The following TRHDE variants were observed in gnomAD, a reference collection of about 807,000 sequenced individuals.
TRHDE encodes thyrotropin releasing hormone degrading enzyme, also known as thyrotropin-releasing hormone-degrading ectoenzyme.
TRHDE carries 72 observed loss-of-function variants against 125.7 expected under a neutral mutation model. The observed-to-expected ratio is 0.57, with a 90% CI of 0.47 to 0.70. The LOEUF is 0.70. Ranked by LOEUF, TRHDE falls within the 30% of genes least tolerant of loss-of-function variation. The pLI is 0.00. For synonymous variants in TRHDE, 509 were observed against 509.1 expected (o/e 1.00, Z 0.00); for missense variants, 1,110 against 1,327.1 (o/e 0.84, Z 2.54).
chr12:72,184,979 G>A (rs902278370), intron 2 of TRHDE, among the ~76,000 whole-genome samples: 2 of 152,204 alleles, frequency 1.3e-5, no homozygotes, highest in Admixed American at 6.5e-5. Flanking sequence ...CACTGTGGGA[G>A]CCCCTTTCTG....
At chr12:72,123,453 A>G (rs1465117793) in intron 2 of TRHDE, among the ~76,000 whole-genome samples, 1 of 152,172 alleles carries the variant, frequency 6.6e-6, no homozygotes, top group Non-Finnish European at 1.5e-5. Flanking sequence ...ATAAAATGTC[A>G]TAATTGAATC....
intron 3 of TRHDE, among the ~76,000 whole-genome samples, chr12:72,461,628 T>C (rs891683757): frequency 3.3e-5 from 5 of 152,100 alleles, no homozygotes; most frequent in Non-Finnish European, 7.4e-5. Context: ...TTTTTTTTTT[T>C]TTAGCCTACT....
chr12:72,520,837 A>G (rs1336637448), intron 6 of TRHDE, among the ~76,000 whole-genome samples: 4 of 152,178 alleles, frequency 2.6e-5, no homozygotes, highest in Non-Finnish European at 4.4e-5. Flanking sequence ...ATTCTCTTTT[A>G]TTACCGTATT....
At chr12:72,256,719 C>T (rs1878822804) in intron 2 of TRHDE, 1 of 152,148 alleles carries the variant, frequency 6.6e-6, no homozygotes, top group Admixed American at 6.6e-5. Context: ...GCATTAGTTA[C>T]CATGTTGAAA....
intron 2 of TRHDE, among the ~76,000 whole-genome samples, chr12:72,159,697 T>C (rs148974101): frequency 1.4e-4 from 21 of 152,332 alleles, no homozygotes; most frequent in African/African-American, 5.1e-4. Flanking sequence ...TTTCACTTCA[T>C]ATCCATCTTT....
chr12:72,604,236 G>T (rs1226520693), intron 12 of TRHDE, among the ~76,000 whole-genome samples: 1 of 152,042 alleles, frequency 6.6e-6, no homozygotes, highest in South Asian at 2.1e-4. Context: ...AGACAAATCC[G>T]TAGGAAAAAA....
chr12:72,427,621 C>T lies in TRHDE; in HGVS notation c.1316-42137C>T, dbSNP rs190185051. Among the ~76,000 whole-genome samples the T allele has an allele frequency of 1.4e-4, 21 of 152,184 alleles. No homozygotes were observed. The East Asian group carries it at 2.7e-3, about 20-fold the overall frequency. On this transcript the variant is annotated intron_variant, in intron 3 of 18. Coordinates refer to ENST00000261180, the MANE Select transcript of TRHDE (RefSeq NM_013381.3). ...CTCTTTCTCGTATTGACTTAATGAT[C>T]GTTATTGCAATTCACGTAAGTTATT...
At chr12:72,405,172 G>C (rs1300412115) in intron 3 of TRHDE, among the ~76,000 whole-genome samples, 1 of 152,124 alleles carries the variant, frequency 6.6e-6, no homozygotes, top group Non-Finnish European at 1.5e-5. Flanking sequence ...AGACAATAAG[G>C]GGAATCATGT....
chr12:72,473,152 C>T lies in TRHDE; in HGVS notation c.1556C>T (p.Thr519Ile). The T allele has an allele frequency of 6.2e-7, 1 of 1,613,870 alleles. No individual in the cohort carries two copies. The highest frequency in any genetic ancestry group is 8.5e-7 in the Non-Finnish European group (1 of 1,179,832). The part of the protein sequence containing the change: ...GFAHYFEFVG[T>I]DYLYPGWNME... ...GCTCACTACTTTGAATTTGTTGGTACAGACTACCTCTATCCTGGCTGGAAC... is the reference window on the plus strand; with the variant it reads ...GCTCACTACTTTGAATTTGTTGGTATAGACTACCTCTATCCTGGCTGGAAC... The change falls in exon 5 of 19, where the codon ACA (threonine) becomes ATA (isoleucine). Residue 519 changes from threonine (T) to isoleucine (I), a missense_variant. By Grantham distance (89) the Thr-to-Ile change is moderately conservative. This residue lies in a region of TRHDE where 527 missense variants were observed against 651.8 expected (regional missense o/e 0.81). Coordinates refer to ENST00000261180, the MANE Select transcript of TRHDE (RefSeq NM_013381.3).
chr12:72,265,548 C>A (rs1254847788), intron 2 of TRHDE, among the ~76,000 whole-genome samples: 1 of 150,466 alleles, frequency 6.6e-6, no homozygotes, highest in African/African-American at 2.4e-5. Context: ...GAACCCCACC[C>A]CCCCAGAAAA....
chr12:72,264,448 A>G (rs755866794), intron 2 of TRHDE: 2 of 152,030 alleles, frequency 1.3e-5, no homozygotes, highest in Non-Finnish European at 2.9e-5. Context: ...CATTTTTCTT[A>G]TGAAAAAATC....
intron 2 of TRHDE, among the ~76,000 whole-genome samples, chr12:72,154,649 T>A (rs551233191): frequency 1.3e-5 from 2 of 152,322 alleles, no homozygotes; most frequent in South Asian, 4.1e-4. Flanking sequence ...TCCTTTACTT[T>A]TGAAGCTTAG....
chr12:72,555,573 C>G (rs188271163), intron 7 of TRHDE, among the ~76,000 whole-genome samples: 1 of 152,138 alleles, frequency 6.6e-6, no homozygotes, highest in East Asian at 1.9e-4. Context: ...GGATTTGTTA[C>G]TCATTTTTAC....
In TRHDE at chr12:72,542,381, T is replaced by C. The variant is rs778426458; in HGVS notation, c.1788+25T>C. On this transcript the variant is annotated intron_variant, in intron 7 of 18. Coordinates refer to ENST00000261180, the MANE Select transcript of TRHDE (RefSeq NM_013381.3). The stretch of plus-strand genomic sequence containing the variant: ...AGTAAGTAAAATGCTTTTTATTTTC[T>C]TTTACATTTTTCCTTGTCAATATAT... 5 of 1,579,230 alleles carry C rather than the reference T, an allele frequency of 3.2e-6. No individual in the cohort carries two copies. In the South Asian group the frequency reaches 5.7e-5, roughly 18 times the overall value.
chr12:72,490,073 A>T (rs1382480577), intron 5 of TRHDE, among the ~76,000 whole-genome samples: 1 of 151,846 alleles, frequency 6.6e-6, no homozygotes, highest in Non-Finnish European at 1.5e-5. Flanking sequence ...TGGGAAAAAA[A>T]GTTTGCCAGC....
chr12:72,521,706 C>G (rs1017503979), intron 6 of TRHDE, among the ~76,000 whole-genome samples: 1 of 152,170 alleles, frequency 6.6e-6, no homozygotes, highest in African/African-American at 2.4e-5. Flanking sequence ...TACATATTCC[C>G]CAAACTGTTT....
At chr12:72,162,555 T>C (rs1289181541) in intron 2 of TRHDE, among the ~76,000 whole-genome samples, 2 of 152,200 alleles carry the variant, frequency 1.3e-5, no homozygotes. Context: ...GGCTAGAAGT[T>C]GGTCCTGGGA....
intron 2 of TRHDE, among the ~76,000 whole-genome samples, chr12:72,371,774 C>T (rs1418894386): frequency 1.3e-5 from 2 of 152,142 alleles, no homozygotes; most frequent in African/African-American, 4.8e-5. Flanking sequence ...GCCACATTTT[C>T]TTAATCCAAT....
chr12:72,522,310 T>G (rs1012335127), intron 6 of TRHDE, among the ~76,000 whole-genome samples: 3 of 152,234 alleles, frequency 2.0e-5, no homozygotes, highest in African/African-American at 7.2e-5. Context: ...GTTATTATAT[T>G]TTGTAATTAT....
Sources: gnomAD v4.1 joint callset for allele counts (sites outside exome capture counted in the v4.1 genomes callset) on GRCh38, gnomAD v4.1.1 for gene constraint, gnomAD v4.1.1 regional missense constraint, MANE v1.5 for transcripts, NCBI Gene and HGNC (gene_info 2026-07-23, HGNC 2026-07-21) for gene names.